Variants in CNIH3 observed in about 807,000 individuals in gnomAD.
CNIH3 encodes the protein protein cornichon homolog 3.
Under a neutral mutation model 24.1 loss-of-function variants are expected in CNIH3, and 14 were observed. The observed-to-expected ratio is 0.58, with a 90% CI of 0.38 to 0.91. The LOEUF is 0.91. CNIH3 is among the 40% of genes least tolerant of loss of function. The probability of loss-of-function intolerance (pLI) is 0.00; values close to 1 mark genes in which losing one functional copy is unlikely to be tolerated. For synonymous variants in CNIH3, 68 were observed against 73.8 expected, an observed-to-expected ratio of 0.92 and a Z score of 0.40; for missense variants, 178 against 196.8, an observed-to-expected ratio of 0.90 and a Z score of 0.57.
chr1:224,581,244 C>A (rs1681262072), intron 4 of CNIH3, among the ~76,000 whole-genome samples: 1 of 152,006 alleles, frequency 6.6e-6, no homozygotes, highest in African/African-American at 2.4e-5. Flanking sequence ...AAGTCTTTTT[C>A]CGGTTTTGAT....
intron 1 of CNIH3, among the ~76,000 whole-genome samples, chr1:224,441,914 C>T (rs1558460308): frequency 6.6e-6 from 1 of 150,416 alleles, no homozygotes; most frequent in East Asian, 1.9e-4. Context: ...TCATTAACAA[C>T]AAAAAGCAAA....
chr1:224,689,818 G>T (rs1329293091), intron 3 of CNIH3, among the ~76,000 whole-genome samples: 1 of 152,184 alleles, frequency 6.6e-6, no homozygotes, highest in Non-Finnish European at 1.5e-5. Context: ...TGTCTGAACT[G>T]CAGGATTCTT....
Position 224,594,987 on chromosome 1 carries a change from G to A in CNIH3, n.402+28723G>A, listed in dbSNP as rs561938347. Among the ~76,000 whole-genome samples the A allele has an allele frequency of 5.9e-5, 9 of 152,222 alleles. No individual in the cohort carries two copies. In the South Asian group the frequency reaches 1.9e-3, roughly 32 times the overall value. On this transcript the variant is annotated intron_variant and non_coding_transcript_variant, in intron 3 of 7. Transcript: ENST00000478120. ...TGAAGGTTCATGAGAACCTTGTGTT[G>A]AGCAAGTCTGTCAGCACCATTTCTC...
chr1:224,687,515 G>A (rs1471120739), intron 3 of CNIH3, among the ~76,000 whole-genome samples: 1 of 152,178 alleles, frequency 6.6e-6, no homozygotes, highest in Non-Finnish European at 1.5e-5. Flanking sequence ...TTACAAGGAT[G>A]AGCCACCATG....
intron 1 of CNIH3, among the ~76,000 whole-genome samples, chr1:224,461,201 C>G (rs934539152): frequency 2.6e-5 from 4 of 151,940 alleles, no homozygotes; most frequent in African/African-American, 9.7e-5. Context: ...CGGGGTTTTT[C>G]CATGTTGGCC....
intron 1 of CNIH3, among the ~76,000 whole-genome samples, chr1:224,647,360 C>T (rs541699909): frequency 2.6e-5 from 4 of 152,214 alleles, no homozygotes; most frequent in African/African-American, 9.7e-5. Flanking sequence ...GTTTATTCTT[C>T]AGACCAAATA....
chr1:224,475,790 A>G (rs1218766010), intron 1 of CNIH3, among the ~76,000 whole-genome samples: 1 of 152,220 alleles, frequency 6.6e-6, no homozygotes, highest in Non-Finnish European at 1.5e-5. Flanking sequence ...AGCCTCACCA[A>G]TAAAAGAAAA....
exon 1 of CNIH3, chr1:224,434,661 G>T (rs1482756626): frequency 1.2e-6 from 1 of 803,224 alleles, no homozygotes; most frequent in Non-Finnish European, 1.5e-6. Flanking sequence ...CGCGGGGCCC[G>T]CCGCTGGGCT....
intron 3 of CNIH3, among the ~76,000 whole-genome samples, chr1:224,688,696 C>G (rs1350511306): frequency 2.0e-5 from 3 of 151,966 alleles, no homozygotes; most frequent in African/African-American, 7.3e-5. Context: ...ATCTGTAATC[C>G]CAGCACTTTG....
chr1:224,440,488 G>A (rs985550405), intron 1 of CNIH3, among the ~76,000 whole-genome samples: 1 of 152,148 alleles, frequency 6.6e-6, no homozygotes, highest in South Asian at 2.1e-4. Flanking sequence ...TCCTCCCAAA[G>A]TTCTGGGATT....
At chr1:224,696,602 T>C (rs1687189962) in intron 3 of CNIH3, among the ~76,000 whole-genome samples, 1 of 152,138 alleles carries the variant, frequency 6.6e-6, no homozygotes, top group African/African-American at 2.4e-5. Flanking sequence ...AAGTGGGACC[T>C]GGAGGAGGCT....
intron 1 of CNIH3, among the ~76,000 whole-genome samples, chr1:224,657,596 T>G (rs764644844): frequency 6.6e-6 from 1 of 152,208 alleles, no homozygotes; most frequent in Non-Finnish European, 1.5e-5. Flanking sequence ...AGTCCTCTAC[T>G]AGTTCAGTCC....
chr1:224,574,163 C>T (rs1447306354), intron 4 of CNIH3, among the ~76,000 whole-genome samples: 1 of 152,120 alleles, frequency 6.6e-6, no homozygotes, highest in Non-Finnish European at 1.5e-5. Context: ...GTCTCTCTAC[C>T]TATCCATAGT....
upstream of CNIH3, among the ~76,000 whole-genome samples, chr1:224,611,880 C>T (rs190188577): frequency 3.3e-5 from 5 of 152,182 alleles, no homozygotes; most frequent in Non-Finnish European, 5.9e-5. Context: ...TCCCTGACAG[C>T]GCCCAGAACT....
intron 1 of CNIH3, among the ~76,000 whole-genome samples, chr1:224,664,374 A>G (rs1685501833): frequency 6.6e-6 from 1 of 152,230 alleles, no homozygotes; most frequent in Non-Finnish European, 1.5e-5. Context: ...GGGCAGTTGG[A>G]CTGGTTTCAC....
At chr1:224,694,741 A>C (rs1359790611) in intron 3 of CNIH3, among the ~76,000 whole-genome samples, 2 of 152,240 alleles carry the variant, frequency 1.3e-5, no homozygotes, top group East Asian at 3.9e-4. Flanking sequence ...ATGGAATACT[A>C]CTTAGCCATG....
chr1:224,602,298 G>A (rs965916075), intron 3 of CNIH3, among the ~76,000 whole-genome samples: 3 of 50,650 alleles, frequency 5.9e-5, no homozygotes, highest in African/African-American at 1.2e-4. Flanking sequence ...AATATTTCAT[G>A]TTTGTTTGAA....
At chr1:224,482,635 C>A (rs1474514327) in intron 1 of CNIH3, among the ~76,000 whole-genome samples, 2 of 151,814 alleles carry the variant, frequency 1.3e-5, no homozygotes, top group Non-Finnish European at 2.9e-5. Flanking sequence ...GTCTTCTTTA[C>A]TCTTTCCTCT....
At chr1:224,500,808 T>C (rs1458437043) in intron 1 of CNIH3, among the ~76,000 whole-genome samples, 1 of 152,184 alleles carries the variant, frequency 6.6e-6, no homozygotes, top group East Asian at 1.9e-4. Context: ...GCTGAGTGGC[T>C]ACCTGCTGCA....
Sources: allele counts gnomAD v4.1 joint callset (sites outside exome capture counted in the v4.1 genomes callset), GRCh38; gene constraint gnomAD v4.1.1; transcripts MANE v1.5; gene names NCBI Gene and HGNC (gene_info 2026-07-23, HGNC 2026-07-21).